The following CLVS1 variants were observed in gnomAD, a reference collection of about 807,000 sequenced individuals.
CLVS1 encodes the protein clavesin 1.
In CLVS1, 10 loss-of-function variants were observed where a neutral mutation model predicts 33.1. That is an observed-to-expected ratio of 0.30 (90% CI 0.19 to 0.51). The LOEUF is 0.51. Among genes scored for constraint, CLVS1 ranks in the 20% least tolerant of loss-of-function variants. The probability of loss-of-function intolerance (pLI) is 0.97; values close to 1 mark genes in which losing one functional copy is unlikely to be tolerated. For missense variants in CLVS1, 343 were observed against 433.4 expected (o/e 0.79, Z 1.85); for synonymous variants, 163 against 166.1 (o/e 0.98, Z 0.14).
At chr8:61,495,826 C>A (rs543998499) in intron 5 of CLVS1, among the ~76,000 whole-genome samples, 2 of 152,150 alleles carry the variant, frequency 1.3e-5, no homozygotes, top group East Asian at 3.9e-4. Context: ...GAGGTCACAC[C>A]AGGAGTCTAT....
At chr8:61,164,775 C>T (rs895466410) in intron 2 of CLVS1, among the ~76,000 whole-genome samples, 3 of 152,144 alleles carry the variant, frequency 2.0e-5, no homozygotes, top group Admixed American at 1.3e-4. Context: ...AGCTGTTTTT[C>T]TTCCTTCCTT....
the CLVS1 span, among the ~76,000 whole-genome samples, chr8:61,009,072 A>C: frequency 6.2e-4 from 95 of 152,144 alleles, 1 homozygote; most frequent in Middle Eastern, 0.01. Flanking sequence ...TATTTTATCT[A>C]ATTTATATGC....
At chr8:61,308,216 A>G (rs1810701277) in intron 2 of CLVS1, among the ~76,000 whole-genome samples, 1 of 152,196 alleles carries the variant, frequency 6.6e-6, no homozygotes, top group Non-Finnish European at 1.5e-5. Flanking sequence ...TGGCAGTTTC[A>G]GTATCACTAA....
At chr8:61,267,882 G>A (rs896584538) in intron 2 of CLVS1, among the ~76,000 whole-genome samples, 2 of 152,056 alleles carry the variant, frequency 1.3e-5, no homozygotes, top group Non-Finnish European at 2.9e-5. Flanking sequence ...TCAGCTCACT[G>A]CTATTAAGAA....
upstream of CLVS1, among the ~76,000 whole-genome samples, chr8:61,283,150 T>G (rs1809709658): frequency 1.3e-5 from 2 of 152,348 alleles, no homozygotes; most frequent in African/African-American, 4.8e-5. Flanking sequence ...ACTTCCATGC[T>G]CCTTCCTCAG....
intron 2 of CLVS1, among the ~76,000 whole-genome samples, chr8:61,203,551 A>G (rs1379525358): frequency 6.6e-6 from 1 of 152,240 alleles, no homozygotes; most frequent in Admixed American, 6.5e-5. Context: ...AAGTAAAAAA[A>G]AAAAAGAATG....
At position 61,199,395 on chromosome 8, in the gene CLVS1, T is replaced by C. The variant is rs1024407222; in HGVS notation, c.-152+67535T>C. Among the ~76,000 whole-genome samples the C allele has an allele frequency of 5.9e-5, 9 of 152,126 alleles. No homozygotes were observed. The South Asian group carries it at 1.9e-3, about 32-fold the overall frequency. On this transcript the variant is annotated intron_variant, in intron 2 of 2. Transcript: ENST00000522621. ...CTAATATCCAGAATCTATAAGGAAC[T>C]CAAACAAATTAGAAAAAAAATACAA...
intron 3 of CLVS1, among the ~76,000 whole-genome samples, chr8:61,388,058 A>T (rs1473549115): frequency 6.6e-6 from 1 of 152,118 alleles, no homozygotes; most frequent in Admixed American, 6.5e-5. Context: ...TCTTTTGACG[A>T]GTAAGGTACA....
intron 3 of CLVS1, among the ~76,000 whole-genome samples, chr8:61,449,444 T>G (rs531229484): frequency 1.3e-5 from 2 of 152,324 alleles, no homozygotes; most frequent in South Asian, 4.1e-4. Flanking sequence ...CTTGGCCTTC[T>G]ATAACATTAC....
chr8:60,993,213 C>A, the CLVS1 span, among the ~76,000 whole-genome samples: 26 of 152,360 alleles, frequency 1.7e-4, no homozygotes, highest in Admixed American at 5.2e-4. Flanking sequence ...GCCCAGCTTG[C>A]TCTCTAGATC....
At chr8:61,179,870 G>A (rs1171277063) in intron 2 of CLVS1, among the ~76,000 whole-genome samples, 1 of 152,162 alleles carries the variant, frequency 6.6e-6, no homozygotes, top group Non-Finnish European at 1.5e-5. Context: ...AACACTAAAT[G>A]CCCACATCAG....
chr8:61,178,199 A>G (rs1217069798), intron 2 of CLVS1, among the ~76,000 whole-genome samples: 1 of 152,232 alleles, frequency 6.6e-6, no homozygotes, highest in East Asian at 1.9e-4. Flanking sequence ...ATCTTGAAGC[A>G]TACGCAAGTA....
intron 1 of CLVS1, among the ~76,000 whole-genome samples, chr8:61,086,742 T>G (rs1805133621): frequency 6.6e-6 from 1 of 152,228 alleles, no homozygotes; most frequent in African/African-American, 2.4e-5. Context: ...TGTTATTTTC[T>G]AAGAGACCTT....
At chr8:61,007,801 C>G in the CLVS1 span, among the ~76,000 whole-genome samples, 1 of 152,188 alleles carries the variant, frequency 6.6e-6, no homozygotes, top group East Asian at 1.9e-4. Flanking sequence ...TTAAGCGCAC[C>G]GCCCCTGGGT....
rs116379854 is a variant in CLVS1, at chr8:61,279,759, C to T, written c.-151-19918C>T. On this transcript the variant is annotated intron_variant, in intron 2 of 2. Transcript: ENST00000522621. ...GCTTAATAATTATTTATGAATACAA[C>T]TATATAATATGTTAAAATGATTTTA... 5.4e-3 allele frequency among the ~76,000 whole-genome samples: 823 copies of T among 152,246 alleles called. 10 individuals carry two copies. Among genetic ancestry groups the T allele is most frequent in the African/African-American group, 0.019 (774 of 41,548 alleles).
intron 2 of CLVS1, among the ~76,000 whole-genome samples, chr8:61,158,275 G>A (rs189251747): frequency 3.3e-4 from 50 of 152,242 alleles, no homozygotes; most frequent in African/African-American, 1.0e-3. Flanking sequence ...GCAAAACAAT[G>A]TTCCACGGTG....
intron 2 of CLVS1, among the ~76,000 whole-genome samples, chr8:61,199,577 GA>G (rs1338966363): frequency 1.3e-5 from 2 of 152,184 alleles, no homozygotes; most frequent in Non-Finnish European, 2.9e-5. Context: ...ACTCCAGCCA[GA>G]ATGGCCCAAA....
At chr8:61,416,372 T>G (rs754274061) in intron 3 of CLVS1, among the ~76,000 whole-genome samples, 12 of 152,016 alleles carry the variant, frequency 7.9e-5, no homozygotes, top group Admixed American at 3.9e-4. Flanking sequence ...ATGCCTAGAA[T>G]AAATACTAGA....
intron 5 of CLVS1, among the ~76,000 whole-genome samples, chr8:61,484,118 T>C (rs535071824): frequency 6.2e-4 from 95 of 152,174 alleles, no homozygotes; most frequent in Non-Finnish European, 9.1e-4. Flanking sequence ...GAAAGAAATA[T>C]AGGGTATTAA....
Sources: gnomAD v4.1 joint callset for allele counts (sites outside exome capture counted in the v4.1 genomes callset) on GRCh38, gnomAD v4.1.1 for gene constraint, MANE v1.5 for transcripts, NCBI Gene and HGNC (gene_info 2026-07-23, HGNC 2026-07-21) for gene names.